The following UBASH3B variants were observed in gnomAD, a reference collection of about 807,000 sequenced individuals.
The protein encoded by UBASH3B is ubiquitin associated and SH3 domain containing B, also known as ubiquitin-associated and SH3 domain-containing protein B.
In UBASH3B, 37 loss-of-function variants were observed where a neutral mutation model predicts 83.4. That is an observed-to-expected ratio of 0.44 (90% confidence interval 0.34 to 0.58). The LOEUF (loss-of-function observed/expected upper bound fraction) is 0.58. Ranked by LOEUF, UBASH3B falls within the 20% of genes least tolerant of loss-of-function variation. The pLI, the probability that UBASH3B is intolerant of heterozygous loss-of-function variation, is 0.01. For synonymous variants in UBASH3B, 304 were observed against 318.3 expected (o/e 0.96, Z 0.48); for missense variants, 657 against 827.2 (o/e 0.79, Z 2.52).
intron 1 of UBASH3B, among the ~76,000 whole-genome samples, chr11:122,697,280 C>T (rs1257846877): frequency 6.6e-6 from 1 of 152,142 alleles, no homozygotes; most frequent in Non-Finnish European, 1.5e-5. Flanking sequence ...TGTGATTATT[C>T]CCTTTATTAC....
intron 1 of UBASH3B, among the ~76,000 whole-genome samples, chr11:122,686,111 C>T (rs776774416): frequency 7.9e-5 from 12 of 152,276 alleles, no homozygotes; most frequent in South Asian, 2.1e-4. Flanking sequence ...GGTTTCTTCC[C>T]GGGTCACTTC....
intron 7 of UBASH3B, among the ~76,000 whole-genome samples, chr11:122,795,714 T>C (rs1465153461): frequency 6.6e-6 from 1 of 152,194 alleles, no homozygotes; most frequent in African/African-American, 2.4e-5. Context: ...GTCCACACAC[T>C]TTAGAGAAGA....
At chr11:122,662,224 T>TA (rs1046527929) in intron 1 of UBASH3B, among the ~76,000 whole-genome samples, 1 of 152,012 alleles carries the variant, frequency 6.6e-6, no homozygotes, top group Non-Finnish European at 1.5e-5. Context: ...GTGCTTTTTT[T>TA]AAAAAAACTT....
intron 1 of UBASH3B, among the ~76,000 whole-genome samples, chr11:122,742,076 G>A (rs1861035034): frequency 6.6e-6 from 1 of 152,156 alleles, no homozygotes; most frequent in Admixed American, 6.5e-5. Context: ...AACGAAATCT[G>A]GAGTTGGACA....
At chr11:122,788,123 C>T (rs916353833) in intron 5 of UBASH3B, among the ~76,000 whole-genome samples, 11 of 152,192 alleles carry the variant, frequency 7.2e-5, no homozygotes, top group African/African-American at 1.2e-4. Context: ...GGGGCTGTTT[C>T]GGAGCCCAAA....
chr11:122,693,196 A>C (rs1483910320), intron 1 of UBASH3B, among the ~76,000 whole-genome samples: 1 of 152,226 alleles, frequency 6.6e-6, no homozygotes, highest in Admixed American at 6.5e-5. Context: ...TACATTGATC[A>C]GTTAGGGTGG....
intron 1 of UBASH3B, 163 bp from the exon 2 acceptor site, chr11:122,776,056 G>C: frequency 3.4e-6 from 2 of 587,522 alleles, no homozygotes; most frequent in Non-Finnish European, 5.9e-6. Flanking sequence ...CATATGTCTT[G>C]ATATGACCCT....
At chr11:122,734,715 G>A (rs1323691640) in intron 1 of UBASH3B, among the ~76,000 whole-genome samples, 9 of 150,902 alleles carry the variant, frequency 6.0e-5, no homozygotes, top group Admixed American at 6.6e-5. Flanking sequence ...CCAGTAGAGT[G>A]AATAATCATT....
rs1018367479 is a variant in UBASH3B at position 122,798,688 on chromosome 11, C to A, written c.1358-254C>A. On this transcript the variant is annotated intron_variant, in intron 9 of 13. Transcript: ENST00000284273. ...ATCACACCACTGCACTCCAGCCTGG[C>A]GACAGAGCGAGACTCCATCTCAAAA... Among the ~76,000 whole-genome samples the A allele has an allele frequency of 2.2e-5, 3 of 139,010 alleles. No homozygotes were observed. In the East Asian group the frequency reaches 6.3e-4, roughly 29 times the overall value. The allele number at this position is 139,010 out of a possible 152,430, so 91.2% of individuals were successfully genotyped here. A position where few individuals can be genotyped will look rare whatever the true frequency, so the allele number is the denominator to read the frequency against.
At chr11:122,701,239 A>C (rs980050696) in intron 1 of UBASH3B, among the ~76,000 whole-genome samples, 1 of 152,222 alleles carries the variant, frequency 6.6e-6, no homozygotes. Flanking sequence ...TTGGATTACA[A>C]AGAAACAAAA....
intron 1 of UBASH3B, among the ~76,000 whole-genome samples, chr11:122,718,782 A>C (rs980988349): frequency 2.0e-5 from 3 of 152,068 alleles, no homozygotes; most frequent in African/African-American, 4.8e-5. Flanking sequence ...TCCTCTTCTT[A>C]CTCCAATCTG....
At chr11:122,697,951 A>G (rs1863983371) in intron 1 of UBASH3B, among the ~76,000 whole-genome samples, 1 of 152,218 alleles carries the variant, frequency 6.6e-6, no homozygotes, top group Non-Finnish European at 1.5e-5. Context: ...CTGACAGTTA[A>G]GAGCACTGGG....
chr11:122,699,517 C>CTCTTTCTTTCTTTCTCTTTCTT (rs779546916), intron 1 of UBASH3B, among the ~76,000 whole-genome samples: 1 of 138,048 alleles, frequency 7.2e-6, no homozygotes, highest in African/African-American at 2.8e-5. Context: ...TTCTTTCTTT[C>CTCTTTCTTTCTTTCTCTTTCTT]TCTTTCTTTC....
At chr11:122,725,972 G>A (rs553373370) in intron 1 of UBASH3B, among the ~76,000 whole-genome samples, 46 of 152,228 alleles carry the variant, frequency 3.0e-4, no homozygotes, top group Admixed American at 1.6e-3. Flanking sequence ...GATTACAGGC[G>A]TGAGCCACTG....
chr11:122,685,605 T>C (rs935895461), intron 1 of UBASH3B, among the ~76,000 whole-genome samples: 6 of 152,116 alleles, frequency 3.9e-5, no homozygotes, highest in African/African-American at 1.4e-4. Context: ...CAACCTCCAC[T>C]TCCTGGGTTC....
intron 1 of UBASH3B, among the ~76,000 whole-genome samples, chr11:122,668,089 G>A (rs928989143): frequency 8.5e-5 from 13 of 152,064 alleles, no homozygotes; most frequent in African/African-American, 3.1e-4. Flanking sequence ...AGGTTCAAGC[G>A]ATTCTCCTGC....
At chr11:122,703,218 G>A (rs1294107835) in intron 1 of UBASH3B, among the ~76,000 whole-genome samples, 1 of 152,012 alleles carries the variant, frequency 6.6e-6, no homozygotes, top group Non-Finnish European at 1.5e-5. Flanking sequence ...ACGAGGTCGG[G>A]AGATTGAGAG....
At chr11:122,718,753 G>A (rs1160746399) in intron 1 of UBASH3B, among the ~76,000 whole-genome samples, 2 of 152,160 alleles carry the variant, frequency 1.3e-5, no homozygotes, top group Non-Finnish European at 2.9e-5. Context: ...TTTGTGGCGG[G>A]AGGGATAAGG....
At chr11:122,668,888 CA>C (rs1368950640) in intron 1 of UBASH3B, among the ~76,000 whole-genome samples, 2 of 152,124 alleles carry the variant, frequency 1.3e-5, no homozygotes, top group Non-Finnish European at 2.9e-5. Flanking sequence ...TGCCAAGCAC[CA>C]CTGTTTCAGA....
Sources: gnomAD v4.1 joint callset for allele counts (sites outside exome capture counted in the v4.1 genomes callset) on GRCh38, gnomAD v4.1.1 for gene constraint, MANE v1.5 for transcripts, NCBI Gene and HGNC (gene_info 2026-07-23, HGNC 2026-07-21) for gene names.